Variants in VPS8 observed in about 807,000 individuals in gnomAD.
VPS8 encodes VPS8 subunit of CORVET complex.
Under a neutral mutation model 216.4 loss-of-function variants are expected in VPS8, and 129 were observed. The observed-to-expected ratio is 0.60, with a 90% CI of 0.52 to 0.69. VPS8 has a LOEUF of 0.69. Among genes scored for constraint, VPS8 ranks in the 30% least tolerant of loss-of-function variants. The pLI is 0.00. For missense variants in VPS8, 1,531 were observed against 1,683.5 expected, an observed-to-expected ratio of 0.91 and a Z score of 1.59; for synonymous variants, 571 against 565.4, an observed-to-expected ratio of 1.01 and a Z score of -0.14.
At chr3:185,005,143 C>T (rs947587318) in intron 45 of VPS8, among the ~76,000 whole-genome samples, 1 of 152,092 alleles carries the variant, frequency 6.6e-6, no homozygotes, top group East Asian at 1.9e-4. Flanking sequence ...CCTTTCCCCA[C>T]TTTGTGTTTT....
chr3:184,967,295 C>T (rs1747579076), intron 39 of VPS8, among the ~76,000 whole-genome samples: 1 of 152,074 alleles, frequency 6.6e-6, no homozygotes. Flanking sequence ...TTTGCTATAA[C>T]AAAAGTATGG....
chr3:184,927,622 A>G (rs1363713721), intron 31 of VPS8, among the ~76,000 whole-genome samples: 1 of 152,182 alleles, frequency 6.6e-6, no homozygotes, highest in African/African-American at 2.4e-5. Flanking sequence ...AACCATTTTT[A>G]AGTGTATACA....
At chr3:184,838,813 A>G (rs1321275044) in intron 6 of VPS8, 67 bp downstream of exon 6, 5 of 1,265,990 alleles carry the variant, frequency 3.9e-6, no homozygotes, top group Non-Finnish European at 5.5e-6. Context: ...ATTTATCATT[A>G]CATTGTTCAA....
At chr3:184,985,091 T>G (rs1036339701) in intron 42 of VPS8, among the ~76,000 whole-genome samples, 1 of 152,230 alleles carries the variant, frequency 6.6e-6, no homozygotes, top group Non-Finnish European at 1.5e-5. Context: ...ATGTTTGTGA[T>G]TACTGTAATT....
At chr3:184,854,766 C>A (rs1724935337) in intron 13 of VPS8, among the ~76,000 whole-genome samples, 1 of 152,180 alleles carries the variant, frequency 6.6e-6, no homozygotes, top group Non-Finnish European at 1.5e-5. Context: ...CATGTGCTTT[C>A]CCTGGCTTCT....
chr3:184,868,810 C>A, intron 18 of VPS8, 136 bp from the exon 19 acceptor site: 1 of 693,772 alleles, frequency 1.4e-6, no homozygotes, highest in Non-Finnish European at 2.4e-6. Flanking sequence ...TTCTTTGAAA[C>A]AAGATATTCA....
At chr3:184,846,474 C>T (rs1358180149) in intron 8 of VPS8, among the ~76,000 whole-genome samples, 1 of 152,200 alleles carries the variant, frequency 6.6e-6, no homozygotes, top group Non-Finnish European at 1.5e-5. Context: ...TCTTTGTTAT[C>T]ATATTCTCAG....
intron 46 of VPS8, among the ~76,000 whole-genome samples, chr3:185,029,974 A>C (rs111497517): frequency 2.1e-3 from 320 of 152,342 alleles, no homozygotes; most frequent in Middle Eastern, 0.01. Flanking sequence ...CTTTATTTAA[A>C]ATTTCTTCTT....
chr3:184,856,009 T>C (rs1219810633), intron 14 of VPS8, among the ~76,000 whole-genome samples, 191 bp downstream of exon 14: 1 of 152,218 alleles, frequency 6.6e-6, no homozygotes, highest in African/African-American at 2.4e-5. Flanking sequence ...TAACTTCTCA[T>C]GGTTTATTTC....
chr3:184,957,522 G>A lies in VPS8; in HGVS notation c.3183+1G>A. ...CTACCGTCTGGAAGAAACTATTCAG[G>A]TGAGACGAACAATGTAAAAGAGACA... On this transcript the variant is annotated splice_donor_variant, in intron 37 of 47. Transcript: ENST00000625842. LOFTEE classifies it high-confidence loss of function. 1.9e-6 allele frequency: 3 copies of A among 1,607,530 alleles called. No individual in the cohort carries two copies. Among genetic ancestry groups the A allele is most frequent in the Admixed American group, 3.4e-5 (2 of 58,938 alleles).
rs1405258092 is a variant in VPS8, at chr3:184,924,844, G to A, written c.2455-18G>A. ...AACCAAATGGTGTATTGAATAAATG[G>A]TCTCCTTTGCTCTTCAGGTTATGGT... On this transcript the variant is annotated intron_variant, in intron 29 of 47. Transcript: ENST00000625842. 6.3e-7 allele frequency: 1 copy of A among 1,598,450 alleles called. No individual in the cohort carries two copies. The highest frequency in any genetic ancestry group is 1.8e-5 in the Admixed American group (1 of 56,950).
chr3:185,001,512 A>AT (rs1385976195), intron 45 of VPS8, among the ~76,000 whole-genome samples: 1 of 152,200 alleles, frequency 6.6e-6, no homozygotes, highest in African/African-American at 2.4e-5. Flanking sequence ...TAGAGATTCC[A>AT]TGCCCTTTCT....
intron 16 of VPS8, among the ~76,000 whole-genome samples, chr3:184,864,208 C>T (rs1214237801): frequency 6.6e-6 from 1 of 152,086 alleles, no homozygotes; most frequent in East Asian, 1.9e-4. Context: ...AGACACTGGA[C>T]ATCTGTAGTG....
In VPS8 at chr3:184,864,233, C is replaced by T. The variant is rs572279202; in HGVS notation, c.1395+1166C>T. Among the ~76,000 whole-genome samples the T allele has an allele frequency of 2.0e-5, 3 of 152,254 alleles. No individual in the cohort carries two copies. The East Asian group carries it at 5.8e-4, about 29-fold the overall frequency. On this transcript the variant is annotated intron_variant, in intron 16 of 47. Transcript: ENST00000625842. Reference sequence around the variant, plus strand: ...CATCTGTAGTGATGGACAGCAATCTCTCACCAAATGGGGAACAAATGCTGT... The same window carrying T: ...CATCTGTAGTGATGGACAGCAATCTTTCACCAAATGGGGAACAAATGCTGT...
chr3:185,051,524 G>A (rs549558444), intron 47 of VPS8, among the ~76,000 whole-genome samples: 1 of 152,288 alleles, frequency 6.6e-6, no homozygotes, highest in Non-Finnish European at 1.5e-5. Context: ...CGTCCACAGG[G>A]AGAGAAGGGT....
intron 22 of VPS8, among the ~76,000 whole-genome samples, chr3:184,888,199 G>A (rs1230564799): frequency 2.0e-5 from 3 of 152,104 alleles, no homozygotes; most frequent in Non-Finnish European, 4.4e-5. Flanking sequence ...GTGTTAGCCA[G>A]GATGGTCTGG....
chr3:184,896,701 C>T (rs1733552795), intron 23 of VPS8, among the ~76,000 whole-genome samples: 1 of 152,072 alleles, frequency 6.6e-6, no homozygotes, highest in African/African-American at 2.4e-5. Context: ...CTTCAGTATC[C>T]CTAGTGAACA....
chr3:185,032,349 G>A (rs1486043842), intron 46 of VPS8, among the ~76,000 whole-genome samples: 1 of 152,134 alleles, frequency 6.6e-6, no homozygotes, highest in Admixed American at 6.5e-5. Context: ...TAAGGGGAAC[G>A]CTCCAACCAT....
intron 25 of VPS8, among the ~76,000 whole-genome samples, chr3:184,907,437 A>G (rs1735697598): frequency 6.6e-6 from 1 of 152,190 alleles, no homozygotes; most frequent in Non-Finnish European, 1.5e-5. Context: ...TTATCTTTGT[A>G]GCTATCTTAT....
Sources: gnomAD v4.1 joint callset for allele counts (sites outside exome capture counted in the v4.1 genomes callset) on GRCh38, gnomAD v4.1.1 for gene constraint, MANE v1.5 for transcripts, NCBI Gene and HGNC (gene_info 2026-07-23, HGNC 2026-07-21) for gene names.